Variants in PDZD2 observed in about 807,000 individuals in gnomAD.
PDZD2 encodes PDZ domain-containing protein 2.
Under a neutral mutation model 220.7 loss-of-function variants are expected in PDZD2, and 90 were observed. The ratio of observed to expected loss-of-function variants is 0.41; its 90% CI spans 0.34 to 0.49. The LOEUF is 0.49. Ranked by LOEUF, PDZD2 falls within the 20% of genes least tolerant of loss-of-function variation. The pLI, the probability that PDZD2 is intolerant of heterozygous loss-of-function variation, is 0.28. For synonymous variants in PDZD2, 1,375 were observed against 1,450.5 expected (o/e 0.95, Z 1.18); for missense variants, 3,174 against 3,608.5 (o/e 0.88, Z 3.08).
intron 1 of PDZD2, among the ~76,000 whole-genome samples, chr5:31,715,468 C>T (rs944097595): frequency 2.6e-5 from 4 of 152,176 alleles, no homozygotes; most frequent in African/African-American, 9.7e-5. Context: ...ATTTTGTGAT[C>T]ATTAAGATAC....
intron 2 of PDZD2, among the ~76,000 whole-genome samples, chr5:31,895,395 G>A (rs1048632322): frequency 6.6e-6 from 1 of 152,152 alleles, no homozygotes; most frequent in Admixed American, 6.5e-5. Flanking sequence ...TCTGTCATGT[G>A]AGGATACAGC....
chr5:31,803,739 T>C (rs1754542865), intron 2 of PDZD2, among the ~76,000 whole-genome samples: 1 of 151,972 alleles, frequency 6.6e-6, no homozygotes, highest in Admixed American at 6.5e-5. Flanking sequence ...TCTCAGAGCA[T>C]CAAGAATACA....
chr5:31,704,689 A>T (rs1472583963), intron 1 of PDZD2, among the ~76,000 whole-genome samples: 2 of 152,216 alleles, frequency 1.3e-5, no homozygotes, highest in African/African-American at 4.8e-5. Context: ...CTAAATGATG[A>T]ATGTGTTCTA....
rs1327820330 is a variant in PDZD2, at chr5:31,915,428, A to G, written c.477-67727A>G. Among the ~76,000 whole-genome samples the G allele has an allele frequency of 7.2e-5, 11 of 151,866 alleles. No homozygotes were observed. The East Asian group carries it at 2.1e-3, about 29-fold the overall frequency. On this transcript the variant is annotated intron_variant, in intron 2 of 24. Transcript: ENST00000438447. Reference sequence around the variant, plus strand: ...CCAGGAGTCTCCTCTATTCCTTGCTACTTGTCCTCTGGGCTCTTGACTGAA... The same window carrying G: ...CCAGGAGTCTCCTCTATTCCTTGCTGCTTGTCCTCTGGGCTCTTGACTGAA...
intron 2 of PDZD2, among the ~76,000 whole-genome samples, chr5:31,942,522 T>C (rs1003265417): frequency 1.3e-5 from 2 of 152,186 alleles, no homozygotes; most frequent in African/African-American, 2.4e-5. Context: ...CAAACTGGCA[T>C]GCAGTGGTTC....
chr5:31,715,764 G>T (rs991886496), intron 1 of PDZD2, among the ~76,000 whole-genome samples: 7 of 152,330 alleles, frequency 4.6e-5, no homozygotes, highest in Middle Eastern at 3.4e-3. Flanking sequence ...CACATGCTTT[G>T]TGTACCCACG....
At chr5:31,869,124 C>T (rs932353545) in intron 2 of PDZD2, among the ~76,000 whole-genome samples, 1 of 152,202 alleles carries the variant, frequency 6.6e-6, no homozygotes, top group Non-Finnish European at 1.5e-5. Context: ...AGGCAAATCC[C>T]CATCTTTCAT....
chr5:32,019,477 C>T (rs1754025790), intron 6 of PDZD2, among the ~76,000 whole-genome samples: 1 of 152,152 alleles, frequency 6.6e-6, no homozygotes, highest in African/African-American at 2.4e-5. Flanking sequence ...CATGGATCCT[C>T]AAAGAGCAGT....
chr5:31,910,936 AT>A (rs1360671980), intron 2 of PDZD2, among the ~76,000 whole-genome samples: 1 of 152,154 alleles, frequency 6.6e-6, no homozygotes, highest in Non-Finnish European at 1.5e-5. Context: ...TATTAAATTG[AT>A]TTCCCCCCTT....
intron 1 of PDZD2, among the ~76,000 whole-genome samples, chr5:31,718,324 G>A (rs906851136): frequency 1.3e-5 from 2 of 152,216 alleles, no homozygotes; most frequent in South Asian, 2.1e-4. Context: ...GGGCCTGGGG[G>A]AAGAAGGTTT....
intron 13 of PDZD2, among the ~76,000 whole-genome samples, chr5:32,060,718 CA>C (rs60896721): frequency 0.16 from 24,517 of 152,080 alleles, 2,442 homozygotes; most frequent in East Asian, 0.35. Flanking sequence ...AGTATATGCT[CA>C]AAATATGGTA....
chr5:32,072,370 C>CT, intron 17 of PDZD2, 53 bp downstream of exon 17: 3 of 1,385,558 alleles, frequency 2.2e-6, no homozygotes, highest in South Asian at 2.6e-5. Context: ...TCAGCAGTGA[C>CT]TGGTTTCCAC....
At chr5:31,746,670 GGT>G (rs1410674764) in intron 1 of PDZD2, among the ~76,000 whole-genome samples, 2 of 152,160 alleles carry the variant, frequency 1.3e-5, no homozygotes, top group Admixed American at 1.3e-4. Context: ...CAAATGGAAA[GGT>G]GTTCTGTGTG....
intron 19 of PDZD2, 105 bp downstream of exon 19, chr5:32,077,711 C>G (rs1741434051): frequency 6.7e-6 from 8 of 1,190,242 alleles, no homozygotes; most frequent in Non-Finnish European, 7.2e-6. Context: ...AATCCCAGCA[C>G]TCTGGGAGGC....
intron 1 of PDZD2, among the ~76,000 whole-genome samples, chr5:31,706,622 G>A (rs574862992): frequency 2.6e-4 from 39 of 152,072 alleles, no homozygotes; most frequent in African/African-American, 8.9e-4. Context: ...GAGGCAGGTG[G>A]ATCATGAGGT....
chr5:31,955,179 A>G (rs1259392881), intron 2 of PDZD2, among the ~76,000 whole-genome samples: 1 of 152,096 alleles, frequency 6.6e-6, no homozygotes, highest in African/African-American at 2.4e-5. Flanking sequence ...GCTTCTTTCT[A>G]GCTGAGCCTA....
At chr5:31,867,846 A>G (rs184883821) in intron 2 of PDZD2, among the ~76,000 whole-genome samples, 45 of 143,792 alleles carry the variant, frequency 3.1e-4, no homozygotes, top group African/African-American at 1.1e-3. Flanking sequence ...CTATCAGACA[A>G]AGGTTCAGGA....
intron 14 of PDZD2, among the ~76,000 whole-genome samples, chr5:32,066,024 A>AAATC (rs57907961): frequency 0.08 from 12,056 of 150,562 alleles, 561 homozygotes; most frequent in African/African-American, 0.11. Flanking sequence ...GACTTGGTCT[A>AAATC]AATCAATCAA....
At chr5:31,705,175 TACACACACACACACACACACAC>T (rs755393785) in intron 1 of PDZD2, among the ~76,000 whole-genome samples, 2 of 84,176 alleles carry the variant, frequency 2.4e-5, no homozygotes, top group African/African-American at 6.3e-5. Context: ...AATACATGTA[TACACACACACACACACACACAC>T]ACACACACAC....
Sources: allele counts gnomAD v4.1 joint callset (sites outside exome capture counted in the v4.1 genomes callset), GRCh38; gene constraint gnomAD v4.1.1; transcripts MANE v1.5; gene names NCBI Gene and HGNC (gene_info 2026-07-23, HGNC 2026-07-21).